DNER: variants seen among roughly 807,000 people sequenced by gnomAD.
DNER encodes delta/notch like EGF repeat containing.
Under a neutral mutation model 78.2 loss-of-function variants are expected in DNER, and 33 were observed. The observed-to-expected ratio is 0.42, with a 90% confidence interval of 0.32 to 0.56. DNER has a LOEUF of 0.56. DNER is among the 20% of genes least tolerant of loss of function. The pLI is 0.11. For synonymous variants in DNER, 417 were observed against 384.8 expected, an observed-to-expected ratio of 1.08 and a Z score of -0.98; for missense variants, 918 against 975.3, an observed-to-expected ratio of 0.94 and a Z score of 0.78.
At chr2:229,676,519 T>G (rs1447981745) in intron 1 of DNER, among the ~76,000 whole-genome samples, 3 of 152,228 alleles carry the variant, frequency 2.0e-5, no homozygotes, top group Non-Finnish European at 4.4e-5. Flanking sequence ...TTCTTAGATT[T>G]AGGTTCACCT....
At chr2:229,488,186 G>T (rs1466820011) in intron 6 of DNER, among the ~76,000 whole-genome samples, 3 of 152,326 alleles carry the variant, frequency 2.0e-5, no homozygotes, top group Non-Finnish European at 2.9e-5. Flanking sequence ...CCTTGCAGAA[G>T]AAATCAGAAG....
chr2:229,371,554 G>C (rs1692483167), intron 11 of DNER, among the ~76,000 whole-genome samples: 1 of 152,156 alleles, frequency 6.6e-6, no homozygotes, highest in African/African-American at 2.4e-5. Flanking sequence ...AAGTGCTTTT[G>C]CATTAAGCAT....
intron 1 of DNER, among the ~76,000 whole-genome samples, chr2:229,613,019 G>A (rs1252386724): frequency 6.6e-6 from 1 of 152,150 alleles, no homozygotes; most frequent in Admixed American, 6.5e-5. Flanking sequence ...AAATTCAATC[G>A]CACTTGCATC....
chr2:229,384,662 A>C (rs207664), intron 11 of DNER, among the ~76,000 whole-genome samples: 4,344 of 152,276 alleles, frequency 0.029, 204 homozygotes, highest in African/African-American at 0.099. Context: ...AAAATCTAGA[A>C]GAAACAGATA....
Position 229,408,219 on chromosome 2 carries a change from A to G in DNER, c.1610-874T>C, listed in dbSNP as rs537426923. On this transcript the variant is annotated intron_variant, in intron 9 of 12. Coordinates refer to ENST00000341772, the MANE Select transcript of DNER (RefSeq NM_139072.4). ...CCTGAAGTGGGACTGGATTACTTCC[A>G]GGAGACTTGATTACTTTGATTTTCA... 5.9e-5 allele frequency among the ~76,000 whole-genome samples: 9 copies of G among 152,180 alleles called. No homozygotes were observed. The East Asian group carries it at 1.5e-3, about 26-fold the overall frequency.
At chr2:229,676,662 T>C (rs1699305665) in intron 1 of DNER, among the ~76,000 whole-genome samples, 1 of 152,192 alleles carries the variant, frequency 6.6e-6, no homozygotes, top group Non-Finnish European at 1.5e-5. Context: ...GAGATCTTTT[T>C]GCACAGTACC....
At chr2:229,638,462 T>C (rs185864589) in intron 1 of DNER, among the ~76,000 whole-genome samples, 246 of 152,312 alleles carry the variant, frequency 1.6e-3, no homozygotes, top group Non-Finnish European at 3.0e-3. Flanking sequence ...GGGGAAAGAA[T>C]ACTCTTTTCA....
chr2:229,586,854 C>T, intron 3 of DNER: 2 of 985,552 alleles, frequency 2.0e-6, no homozygotes, highest in Non-Finnish European at 2.4e-6. Flanking sequence ...GATCCGCTCC[C>T]CCAGCACAGG....
intron 1 of DNER, among the ~76,000 whole-genome samples, chr2:229,626,653 T>C (rs939094123): frequency 6.6e-6 from 1 of 152,208 alleles, no homozygotes; most frequent in East Asian, 1.9e-4. Flanking sequence ...TTTTCCCATA[T>C]AAAGTAAATT....
At chr2:229,401,986 C>T (rs1693278947) in intron 10 of DNER, among the ~76,000 whole-genome samples, 1 of 152,040 alleles carries the variant, frequency 6.6e-6, no homozygotes, top group Non-Finnish European at 1.5e-5. Context: ...ATCCTTAAGT[C>T]ACACCGTAAA....
intron 1 of DNER, among the ~76,000 whole-genome samples, chr2:229,707,871 G>A (rs114099965): frequency 2.2e-3 from 328 of 152,354 alleles, no homozygotes; most frequent in African/African-American, 7.4e-3. Flanking sequence ...ACAGAAGTGA[G>A]CACCTTTTAT....
intron 1 of DNER, among the ~76,000 whole-genome samples, chr2:229,675,232 G>A (rs150275682): frequency 1.3e-5 from 2 of 152,300 alleles, no homozygotes; most frequent in South Asian, 2.1e-4. Flanking sequence ...AAGGGGCCGC[G>A]TTGGTTTCAC....
At chr2:229,657,012 G>GT (rs57844703) in intron 1 of DNER, among the ~76,000 whole-genome samples, 3 of 146,354 alleles carry the variant, frequency 2.0e-5, no homozygotes, top group Non-Finnish European at 4.5e-5. Context: ...GTGTGTGTGT[G>GT]GTGAGAACAT....
chr2:229,573,002 T>G (rs1323089797), intron 4 of DNER, among the ~76,000 whole-genome samples: 1 of 152,158 alleles, frequency 6.6e-6, no homozygotes, highest in Non-Finnish European at 1.5e-5. Flanking sequence ...GTGTCCTACA[T>G]GTAGTCATTA....
chr2:229,600,448 A>G (rs991202273), intron 1 of DNER, among the ~76,000 whole-genome samples: 1 of 152,186 alleles, frequency 6.6e-6, no homozygotes, highest in African/African-American at 2.4e-5. Flanking sequence ...AAAGAAAACT[A>G]TCTTGAACTG....
chr2:229,426,418 G>A (rs1168301018), intron 8 of DNER, among the ~76,000 whole-genome samples: 2 of 141,528 alleles, frequency 1.4e-5, no homozygotes, highest in Non-Finnish European at 3.0e-5. Flanking sequence ...TCCAGCCTGG[G>A]TGACAGAGCG....
intron 1 of DNER, among the ~76,000 whole-genome samples, chr2:229,599,078 A>T (rs900144091): frequency 6.6e-6 from 1 of 152,174 alleles, no homozygotes; most frequent in Middle Eastern, 3.4e-3. Flanking sequence ...CCAGAGGAGA[A>T]CTTACAAATT....
chr2:229,575,633 G>A (rs1304710724), intron 4 of DNER, among the ~76,000 whole-genome samples: 1 of 152,084 alleles, frequency 6.6e-6, no homozygotes, highest in African/African-American at 2.4e-5. Context: ...TTGATCACCT[G>A]CTCCAACACC....
intron 8 of DNER, among the ~76,000 whole-genome samples, chr2:229,420,930 G>A (rs1693749702): frequency 6.6e-6 from 1 of 152,142 alleles, no homozygotes; most frequent in African/African-American, 2.4e-5. Context: ...TCAACCAAAA[G>A]AATCGAAAAC....
Sources: gnomAD v4.1 joint callset for allele counts (sites outside exome capture counted in the v4.1 genomes callset) on GRCh38, gnomAD v4.1.1 for gene constraint, MANE v1.5 for transcripts, NCBI Gene and HGNC (gene_info 2026-07-23, HGNC 2026-07-21) for gene names.